Variants in NRXN3 observed in about 807,000 individuals in gnomAD.
NRXN3 encodes the protein neurexin 3.
NRXN3 carries 32 observed loss-of-function variants against 137.6 expected under a neutral mutation model. The ratio of observed to expected loss-of-function variants is 0.23; its 90% CI spans 0.18 to 0.31. The LOEUF (loss-of-function observed/expected upper bound fraction) is 0.31, where lower values mean the gene tolerates loss of function less well. Ranked by LOEUF, NRXN3 falls within the 10% of genes least tolerant of loss-of-function variation. The pLI, the probability that NRXN3 is intolerant of heterozygous loss-of-function variation, is 1.00. For missense variants in NRXN3, 1,574 were observed against 2,062.5 expected (o/e 0.76, Z 4.59); for synonymous variants, 798 against 784.5 (o/e 1.02, Z -0.29).
chr14:78,961,811 G>A (rs1261316881), intron 11 of NRXN3, among the ~76,000 whole-genome samples: 1 of 152,156 alleles, frequency 6.6e-6, no homozygotes, highest in African/African-American at 2.4e-5. Context: ...GGAAGCTACA[G>A]CTTGAACCTG....
intron 4 of NRXN3, among the ~76,000 whole-genome samples, chr14:78,522,478 G>A (rs932204746): frequency 7.2e-5 from 11 of 152,064 alleles, no homozygotes; most frequent in South Asian, 4.1e-4. Context: ...ATCTGTTATC[G>A]GAAATAGTTG....
intron 15 of NRXN3, among the ~76,000 whole-genome samples, chr14:79,466,646 A>G (rs1011079873): frequency 1.5e-4 from 23 of 152,170 alleles, no homozygotes; most frequent in Admixed American, 5.9e-4. Context: ...GCAACACAAT[A>G]GTGAAATAGG....
At chr14:78,648,059 A>G (rs1417382954) in intron 5 of NRXN3, among the ~76,000 whole-genome samples, 1 of 152,208 alleles carries the variant, frequency 6.6e-6, no homozygotes, top group African/African-American at 2.4e-5. Flanking sequence ...CTTCATGATC[A>G]TCTATTCATG....
chr14:78,774,252 A>G (rs1466741590), intron 8 of NRXN3, among the ~76,000 whole-genome samples: 2 of 152,236 alleles, frequency 1.3e-5, no homozygotes, highest in Non-Finnish European at 2.9e-5. Flanking sequence ...TTGAATGTTA[A>G]ATAAATTTTA....
chr14:79,128,752 G>T (rs1405401622), intron 15 of NRXN3, among the ~76,000 whole-genome samples: 7 of 152,060 alleles, frequency 4.6e-5, no homozygotes, highest in South Asian at 2.1e-4. Context: ...AGAAGGAATG[G>T]TACCAATTCC....
chr14:79,292,699 G>A (rs968437447), intron 15 of NRXN3, among the ~76,000 whole-genome samples: 1 of 152,200 alleles, frequency 6.6e-6, no homozygotes, highest in Non-Finnish European at 1.5e-5. Flanking sequence ...TAATGAATAC[G>A]TTAAGAGGGG....
At chr14:78,845,702 T>G (rs2099024604) in intron 10 of NRXN3, among the ~76,000 whole-genome samples, 1 of 152,120 alleles carries the variant, frequency 6.6e-6, no homozygotes, top group Admixed American at 6.6e-5. Flanking sequence ...TTCTGTGGAC[T>G]TATATACTTG....
chr14:78,327,748 A>C (rs1257348037), intron 4 of NRXN3, among the ~76,000 whole-genome samples: 2 of 152,172 alleles, frequency 1.3e-5, no homozygotes, highest in Non-Finnish European at 2.9e-5. Context: ...CAGGCATCAA[A>C]AGAAGAAGTA....
intron 20 of NRXN3, 110 bp downstream of exon 20, chr14:79,805,300 ATG>A: frequency 1.7e-6 from 1 of 582,864 alleles, no homozygotes; most frequent in East Asian, 3.1e-5. Context: ...TAGTGTGTTA[ATG>A]TGTGTATATT....
chr14:78,423,736 G>A (rs2093551967), intron 4 of NRXN3, among the ~76,000 whole-genome samples: 1 of 152,100 alleles, frequency 6.6e-6, no homozygotes, highest in African/African-American at 2.4e-5. Flanking sequence ...GTATTACGTT[G>A]GTGCAAAAGT....
chr14:78,654,696 G>C (rs1481564065), intron 6 of NRXN3, among the ~76,000 whole-genome samples: 1 of 152,192 alleles, frequency 6.6e-6, no homozygotes, highest in Non-Finnish European at 1.5e-5. Flanking sequence ...CTATCATGAA[G>C]TCAGCATCTT....
At chr14:78,758,159 T>C (rs1302505658) in intron 8 of NRXN3, among the ~76,000 whole-genome samples, 1 of 152,164 alleles carries the variant, frequency 6.6e-6, no homozygotes, top group East Asian at 1.9e-4. Flanking sequence ...ATCTGGAGAA[T>C]TGGTACCTGC....
chr14:79,806,655 A>G (rs1467575198), intron 20 of NRXN3, among the ~76,000 whole-genome samples: 1 of 151,352 alleles, frequency 6.6e-6, no homozygotes, highest in Non-Finnish European at 1.5e-5. Context: ...CATTCATTCA[A>G]TAAATATTTT....
At chr14:79,802,857 GT>G (rs565418474) in intron 19 of NRXN3, among the ~76,000 whole-genome samples, 2 of 151,820 alleles carry the variant, frequency 1.3e-5, no homozygotes, top group Non-Finnish European at 2.9e-5. Flanking sequence ...AGTAGTGTGT[GT>G]TTTTTTTAAG....
At chr14:79,582,654 C>T (rs1170816541) in intron 16 of NRXN3, among the ~76,000 whole-genome samples, 5 of 151,684 alleles carry the variant, frequency 3.3e-5, no homozygotes, top group Admixed American at 1.3e-4. Flanking sequence ...CTCTTGATCT[C>T]GTGATCTGCC....
chr14:78,525,010 C>A (rs1203864502), intron 4 of NRXN3, among the ~76,000 whole-genome samples: 1 of 152,184 alleles, frequency 6.6e-6, no homozygotes, highest in African/African-American at 2.4e-5. Flanking sequence ...TGTGTTCCAT[C>A]AGTATTTTAT....
intron 14 of NRXN3, among the ~76,000 whole-genome samples, chr14:78,974,871 A>C (rs1253704268): frequency 6.6e-6 from 1 of 152,222 alleles, no homozygotes; most frequent in Admixed American, 6.5e-5. Flanking sequence ...TATGACAAGG[A>C]AATGAGGCAG....
At chr14:79,172,458 GA>G (rs2061882026) in intron 15 of NRXN3, among the ~76,000 whole-genome samples, 1 of 152,162 alleles carries the variant, frequency 6.6e-6, no homozygotes, top group African/African-American at 2.4e-5. Flanking sequence ...AGGTACGAAG[GA>G]GGGTGAAAAG....
chr14:79,135,451 C>G (rs367962223), intron 15 of NRXN3, among the ~76,000 whole-genome samples: 88 of 151,970 alleles, frequency 5.8e-4, no homozygotes, highest in African/African-American at 1.8e-3. Context: ...CAATATAAAC[C>G]AACAGTGGTC....
Sources: gnomAD v4.1 joint callset for allele counts (sites outside exome capture counted in the v4.1 genomes callset) on GRCh38, gnomAD v4.1.1 for gene constraint, MANE v1.5 for transcripts, NCBI Gene and HGNC (gene_info 2026-07-23, HGNC 2026-07-21) for gene names.